Variants in BANP observed in about 807,000 individuals in gnomAD.
BANP encodes the protein BTG3 associated nuclear protein.
In BANP, 11 loss-of-function variants were observed where a neutral mutation model predicts 68.1. That is an observed-to-expected ratio of 0.16 (90% CI 0.10 to 0.27). The LOEUF (loss-of-function observed/expected upper bound fraction) is 0.27, where lower values mean the gene tolerates loss of function less well. Ranked by LOEUF, BANP falls within the 10% of genes least tolerant of loss-of-function variation. The probability of loss-of-function intolerance (pLI) is 1.00; values close to 1 mark genes in which losing one functional copy is unlikely to be tolerated. For missense variants in BANP, 504 were observed against 722.7 expected, an observed-to-expected ratio of 0.70 and a Z score of 3.47; for synonymous variants, 329 against 303.2, an observed-to-expected ratio of 1.09 and a Z score of -0.88.
At chr16:88,014,035 C>G (rs556491616) in intron 6 of BANP, among the ~76,000 whole-genome samples, 43 of 152,316 alleles carry the variant, frequency 2.8e-4, no homozygotes, top group African/African-American at 1.0e-3. Context: ...GCTGGACACT[C>G]CAGGCGGGAG....
rs2077825738 is a variant in BANP, at chr16:88,030,085, G to A, written c.1063+2435G>A. The stretch of plus-strand genomic sequence containing the variant: ...AGGCTAAACTATCCCTAGAATAAAG[G>A]CAGAGCTTAAGACAGCCTGAGAAAG... On this transcript the variant is annotated intron_variant, in intron 8 of 13. Coordinates refer to ENST00000682872, the MANE Select transcript of BANP (RefSeq NM_001386991.1). Among the ~76,000 whole-genome samples the A allele has an allele frequency of 1.3e-5, 2 of 152,250 alleles. 1 individual carries two copies. Among genetic ancestry groups the A allele is most frequent in the South Asian group, 4.1e-4 (2 of 4,832 alleles).
intron 5 of BANP, among the ~76,000 whole-genome samples, 156 bp from the exon 6 acceptor site, chr16:88,005,934 A>C (rs1037733209): frequency 6.6e-6 from 1 of 152,036 alleles, no homozygotes. Flanking sequence ...TCTCCCATGG[A>C]GTTTCTATTA....
At position 88,018,365 on chromosome 16, in the gene BANP, G is replaced by A. The variant is rs138533021; in HGVS notation, c.656-63G>A. On this transcript the variant is annotated intron_variant, in intron 6 of 13. Transcript: ENST00000682872. This position sits in a 1 kb window ranked among gnomAD's most constrained non-coding sequence, Gnocchi z 7.7. ...CGACTGTGCCTGAGCAGAGCGCTCT[G>A]CTGTCCTGAATGTGAGCTTATTTGA... 61,914 of 1,563,316 alleles carry A rather than the reference G, an allele frequency of 0.04. 1,426 individuals are homozygous for A. Among genetic ancestry groups the A allele is most frequent in the African/African-American group, 0.075 (5,562 of 74,326 alleles).
intron 11 of BANP, among the ~76,000 whole-genome samples, chr16:88,058,819 A>T (rs2152861146): frequency 6.6e-6 from 1 of 152,232 alleles, no homozygotes; most frequent in Middle Eastern, 3.4e-3. Context: ...AGTAACCTAG[A>T]ATTATTTTCA....
intron 11 of BANP, among the ~76,000 whole-genome samples, chr16:88,040,759 T>A (rs1408108927): frequency 6.6e-6 from 1 of 152,238 alleles, no homozygotes; most frequent in Non-Finnish European, 1.5e-5. Flanking sequence ...CTGGCTTGAT[T>A]GATGGGAGAC....
rs907749203 is a variant in BANP at position 88,003,959 on chromosome 16, G to A, written c.363-336G>A. 8 of 322,306 alleles carry A rather than the reference G, an allele frequency of 2.5e-5. No individual in the cohort carries two copies. Among genetic ancestry groups the A allele is most frequent in the African/African-American group, 1.1e-4 (5 of 45,792 alleles). 20.0% of individuals were successfully genotyped at this position (322,306 alleles called of 1,614,324 possible). On this transcript the variant is annotated intron_variant, in intron 4 of 13. Transcript: ENST00000682872. This position sits in a 1 kb window ranked among gnomAD's most constrained non-coding sequence, Gnocchi z 6.1. ...CCTAGAAGCTTTATTAACTGGGTGC[G>A]ATAACAGCTGGTGCGGTTGCAGTCT...
intron 2 of BANP, among the ~76,000 whole-genome samples, chr16:87,977,190 G>A (rs534783452): frequency 6.6e-5 from 10 of 152,300 alleles, no homozygotes; most frequent in African/African-American, 2.2e-4. Context: ...TGAGGCGGGC[G>A]GATCACGATG....
intron 13 of BANP, among the ~76,000 whole-genome samples, chr16:88,073,229 T>A (rs1215106096): frequency 6.6e-6 from 1 of 152,334 alleles, no homozygotes; most frequent in Middle Eastern, 3.4e-3. Flanking sequence ...CTGCAGTCCC[T>A]CAGCCGCGAC....
chr16:87,958,457 G>A (rs1025955859), intron 1 of BANP, among the ~76,000 whole-genome samples: 2 of 152,228 alleles, frequency 1.3e-5, no homozygotes, highest in African/African-American at 4.8e-5. Context: ...CTTCTGTGAT[G>A]TGTGTCTACT....
chr16:87,975,356 C>T (rs1158934868), intron 2 of BANP, 171 bp downstream of exon 2: 4 of 687,440 alleles, frequency 5.8e-6, no homozygotes, highest in Non-Finnish European at 9.9e-6. Context: ...CTTCCCTCGC[C>T]CCTGCAGCCT....
intron 8 of BANP, 65 bp from the exon 9 acceptor site, chr16:88,033,044 A>G (rs1020456444): frequency 2.8e-5 from 42 of 1,491,474 alleles, no homozygotes; most frequent in East Asian, 2.1e-4. Flanking sequence ...GGGTGCACAC[A>G]TGCCACACCA....
intron 11 of BANP, among the ~76,000 whole-genome samples, chr16:88,040,808 C>T (rs1223686445): frequency 6.6e-6 from 1 of 152,218 alleles, no homozygotes; most frequent in Non-Finnish European, 1.5e-5. Context: ...TGGGGGAGGG[C>T]GAGGAACAGC....
At chr16:88,021,691 A>G (rs982205010) in intron 7 of BANP, among the ~76,000 whole-genome samples, 34 of 152,096 alleles carry the variant, frequency 2.2e-4, no homozygotes, top group African/African-American at 8.2e-4. Flanking sequence ...CATGGAGCAA[A>G]CCTCCCAGGC....
At chr16:88,058,743 C>A (rs1257047842) in intron 11 of BANP, among the ~76,000 whole-genome samples, 2 of 152,080 alleles carry the variant, frequency 1.3e-5, no homozygotes, top group African/African-American at 4.8e-5. Context: ...CAACTCGGAC[C>A]CATGGCTGCT....
At chr16:88,017,247 C>T (rs1342708168) in intron 6 of BANP, 7 of 152,246 alleles carry the variant, frequency 4.6e-5, no homozygotes, top group Non-Finnish European at 4.4e-5. Context: ...TCTGGCAGAG[C>T]GTGGCGTCCC....
intron 2 of BANP, among the ~76,000 whole-genome samples, chr16:87,977,733 A>G (rs1489186444): frequency 6.6e-6 from 1 of 152,190 alleles, no homozygotes; most frequent in African/African-American, 2.4e-5. Flanking sequence ...GACTTCTAGG[A>G]TCATCTGACT....
Position 88,030,443 on chromosome 16 carries a change from C to T in BANP, c.1064-2666C>T, listed in dbSNP as rs185018708. Among the ~76,000 whole-genome samples, 67 of 152,292 alleles carry T rather than the reference C, an allele frequency of 4.4e-4. 1 individual carries two copies. The highest frequency in any genetic ancestry group is 1.5e-3 in the African/African-American group (64 of 41,548). On this transcript the variant is annotated intron_variant, in intron 8 of 13. Coordinates refer to ENST00000682872, the MANE Select transcript of BANP (RefSeq NM_001386991.1). ...TGCCAGGCTTGCCTTCCATGTGTTT[C>T]GGGTACGTGCATTTGGTAAGGTTAG...
chr16:88,062,057 C>G (rs1218417181), intron 11 of BANP, among the ~76,000 whole-genome samples: 1 of 152,198 alleles, frequency 6.6e-6, no homozygotes, highest in African/African-American at 2.4e-5. Flanking sequence ...CATACCTTAA[C>G]AAGTTGGATT....
chr16:88,019,583 GATCTCGGCGTGC>G (rs1567772238), intron 7 of BANP, among the ~76,000 whole-genome samples: 3 of 22,160 alleles, frequency 1.4e-4, no homozygotes, highest in Non-Finnish European at 2.2e-4. Context: ...GGGCGTCCGG[GATCTCGGCGTGC>G]GGGATCTCAG....
Sources: allele counts gnomAD v4.1 joint callset (sites outside exome capture counted in the v4.1 genomes callset), GRCh38; gene constraint gnomAD v4.1.1; non-coding constraint Gnocchi (gnomAD v3.1); transcripts MANE v1.5; gene names NCBI Gene and HGNC (gene_info 2026-07-23, HGNC 2026-07-21).